The following SS18L2 variants were observed in gnomAD, a reference collection of about 807,000 sequenced individuals.
SS18L2 encodes the protein SS18 like 2, also known as SS18-like protein 2.
SS18L2 carries 8 observed loss-of-function variants against 10.3 expected under a neutral mutation model. The observed-to-expected ratio is 0.78, with a 90% confidence interval of 0.46 to 1.41. The LOEUF is 1.41. Among genes scored for constraint, SS18L2 ranks in the 40% most tolerant of loss-of-function variants. The pLI, the probability that SS18L2 is intolerant of heterozygous loss-of-function variation, is 0.00. For missense variants in SS18L2, 100 were observed against 96.2 expected (o/e 1.04, Z -0.17); for synonymous variants, 41 against 34.6 (o/e 1.19, Z -0.65).
chr3:42,584,066 T>C (rs1042983892), intron 1 of SS18L2, among the ~76,000 whole-genome samples: 9 of 152,206 alleles, frequency 5.9e-5, no homozygotes, highest in African/African-American at 2.2e-4. Flanking sequence ...ATTGTGGGAC[T>C]TCTCAGCCTC....
At chr3:42,586,851 C>T (rs1302543162), upstream of SS18L2, among the ~76,000 whole-genome samples, 1 of 152,190 alleles carries the variant, frequency 6.6e-6, no homozygotes, top group Non-Finnish European at 1.5e-5. Flanking sequence ...TTGACATCAC[C>T]TCACACTGTA....
At chr3:42,584,027 TC>T (rs1010961834) in intron 1 of SS18L2, among the ~76,000 whole-genome samples, 2 of 152,206 alleles carry the variant, frequency 1.3e-5, no homozygotes. Flanking sequence ...TCTACCAGCC[TC>T]CCTGGTTCTC....
At chr3:42,590,835 G>T, upstream of SS18L2, 1 of 1,553,276 alleles carries the variant, frequency 6.4e-7, no homozygotes, top group Non-Finnish European at 8.9e-7. Flanking sequence ...AACTTCGAGA[G>T]CGTAGGCCCC....
intron 1 of SS18L2, chr3:42,582,011 C>T (rs868191383): frequency 2.6e-4 from 40 of 152,516 alleles, no homozygotes; most frequent in African/African-American, 8.7e-4. Context: ...TCCCCCCTAC[C>T]CCGCATTCGC....
At position 42,594,458 on chromosome 3, in the gene SS18L2, G is replaced by C; in HGVS notation, c.183G>C (p.Leu61Phe). 6.2e-7 allele frequency: 1 copy of C among 1,613,694 alleles called. No homozygotes were observed. Among genetic ancestry groups the C allele is most frequent in the Non-Finnish European group, 8.5e-7 (1 of 1,179,794 alleles). Residue 61 changes from leucine (L) to phenylalanine (F), a missense_variant, in exon 3 of 3, where the codon TTG (leucine) becomes TTC (phenylalanine). By Grantham distance (22) the Leu-to-Phe change is conservative. Transcript: ENST00000011691. The stretch of plus-strand genomic sequence containing the variant: ...TGTTACATAGAAATCTCATTTATTT[G>C]GCTACCATTGCAGATGCCAGTCCAA... ...QHVLHRNLIY[L>F]ATIADASPTS... is the part of the protein sequence containing the mutation.
Position 42,591,536 on chromosome 3 carries a change from G to C in SS18L2, c.81G>C (p.Glu27Asp). Residue 27 changes from glutamate to aspartate, a missense_variant, in exon 2 of 3, where the codon GAG becomes GAC. Physicochemically the swap from Glu to Asp is conservative, Grantham distance 45. Transcript: ENST00000011691. ...NQETIQRLLE[E>D]NDQLIRCIVE... ...CTCTGATCTTTCAGCTCCTTGAGGA[G>C]AATGACCAGCTGATCCGCTGTATTG... The C allele has an allele frequency of 6.2e-7, 1 of 1,613,822 alleles. No individual in the cohort carries two copies. The highest frequency in any genetic ancestry group is 1.1e-5 in the South Asian group (1 of 91,076).
intron 2 of SS18L2, among the ~76,000 whole-genome samples, chr3:42,594,088 T>A (rs1340252240): frequency 6.6e-6 from 1 of 152,200 alleles, no homozygotes; most frequent in Non-Finnish European, 1.5e-5. Flanking sequence ...AGGTTTTGAA[T>A]AGACATATAA....
chr3:42,588,429 C>T (rs150565758), upstream of SS18L2, among the ~76,000 whole-genome samples: 304 of 152,106 alleles, frequency 2.0e-3, 1 homozygote, highest in African/African-American at 7.0e-3. Context: ...ACAAAAAAAC[C>T]CCTTCACTTT....
At chr3:42,592,157 C>G (rs1704872849) in intron 2 of SS18L2, among the ~76,000 whole-genome samples, 3 of 152,038 alleles carry the variant, frequency 2.0e-5, no homozygotes, top group African/African-American at 7.2e-5. Context: ...GAGTCTGAGT[C>G]TCTTTTCCGA....
chr3:42,591,464 G>A (rs1379307235), intron 1 of SS18L2, 61 bp from the exon 2 acceptor site: 7 of 1,284,272 alleles, frequency 5.5e-6, no homozygotes, highest in African/African-American at 2.9e-5. Flanking sequence ...AAGGGCCGGG[G>A]TTACAGGCGT....
At chr3:42,589,243 T>C (rs1397250568), upstream of SS18L2, among the ~76,000 whole-genome samples, 1 of 151,606 alleles carries the variant, frequency 6.6e-6, no homozygotes, top group South Asian at 2.1e-4. Context: ...CACTCCAGCC[T>C]GGGTGACAGA....
Position 42,591,580 on chromosome 3 carries a change from GC to G in SS18L2, c.127del (p.Arg43AlafsTer43). The G allele has an allele frequency of 6.2e-7, 1 of 1,613,906 alleles. No homozygotes were observed. The highest frequency in any genetic ancestry group is 8.5e-7 in the Non-Finnish European group (1 of 1,179,782). ...IRCIVEYQNK[G>X]RGNECVQYQH... ...TGTATTGTGGAGTATCAGAACAAGG[GC>G]CGCGGGAACGAGTGCGTGCAGTAAG... On this transcript the variant is annotated frameshift_variant, in exon 2 of 3. Transcript: ENST00000011691. LOFTEE classifies it high-confidence loss of function.
At chr3:42,591,882 G>T (rs1704860983) in intron 2 of SS18L2, among the ~76,000 whole-genome samples, 1 of 152,162 alleles carries the variant, frequency 6.6e-6, no homozygotes, top group African/African-American at 2.4e-5. Flanking sequence ...CAACAGGGAT[G>T]GGGGTGAGAG....
At chr3:42,590,585 C>CAAAAA (rs1211821938), upstream of SS18L2, among the ~76,000 whole-genome samples, 1 of 134,856 alleles carries the variant, frequency 7.4e-6, no homozygotes, top group African/African-American at 2.7e-5. Context: ...GACTCCATCT[C>CAAAAA]AAAAAAAAAA....
chr3:42,582,351 T>TGCGGTCCGCGC (rs1191710595), intron 1 of SS18L2: 1 of 152,350 alleles, frequency 6.6e-6, no homozygotes, highest in Non-Finnish European at 1.5e-5. Flanking sequence ...GCGTATGTTC[T>TGCGGTCCGCGC]GCGGTCCGCG....
chr3:42,594,452 T>G lies in SS18L2; in HGVS notation c.177T>G (p.Ile59Met). ...QYQHVLHRNL[I>M]YLATIADASP... The stretch of plus-strand genomic sequence containing the variant: ...AGCATGTGTTACATAGAAATCTCAT[T>G]TATTTGGCTACCATTGCAGATGCCA... The change falls in exon 3 of 3, where the codon ATT (isoleucine) becomes ATG (methionine). Residue 59 changes from isoleucine to methionine, a missense_variant. Ile to Met is a conservative substitution (Grantham distance 10). Transcript: ENST00000011691. 1.9e-6 allele frequency: 3 copies of G among 1,613,962 alleles called. No homozygotes were observed. The highest frequency in any genetic ancestry group is 2.5e-6 in the Non-Finnish European group (3 of 1,179,882).
chr3:42,591,500 A>T (rs1449999134), intron 1 of SS18L2, 25 bp from the exon 2 acceptor site: 2 of 1,591,178 alleles, frequency 1.3e-6, no homozygotes. Context: ...GCCTGCACTG[A>T]CCCTTTCTTT....
chr3:42,588,420 C>A (rs544202973), upstream of SS18L2, among the ~76,000 whole-genome samples: 16 of 152,102 alleles, frequency 1.1e-4, no homozygotes, highest in Admixed American at 2.0e-4. Flanking sequence ...ACAACAACAA[C>A]AAAAAAACCC....
At chr3:42,592,681 A>T (rs1309825701) in intron 2 of SS18L2, among the ~76,000 whole-genome samples, 1 of 152,212 alleles carries the variant, frequency 6.6e-6, no homozygotes, top group African/African-American at 2.4e-5. Context: ...TTTGATTTTT[A>T]AAAGTTTATG....
Sources: allele counts gnomAD v4.1 joint callset (sites outside exome capture counted in the v4.1 genomes callset), GRCh38; gene constraint gnomAD v4.1.1; transcripts MANE v1.5; gene names NCBI Gene and HGNC (gene_info 2026-07-23, HGNC 2026-07-21).